ITGB8: variants seen among roughly 807,000 people sequenced by gnomAD.
ITGB8 encodes integrin subunit beta 8, also known as integrin beta-8.
A neutral mutation model predicts 89.5 loss-of-function variants in ITGB8; 30 were observed. The observed-to-expected ratio is 0.34, with a 90% confidence interval of 0.25 to 0.45. ITGB8 has a LOEUF of 0.45. Ranked by LOEUF, ITGB8 falls within the 20% of genes least tolerant of loss-of-function variation. ITGB8 has a pLI of 1.00. For synonymous variants in ITGB8, 335 were observed against 320.4 expected, an observed-to-expected ratio of 1.05 and a Z score of -0.49; for missense variants, 836 against 933.3, an observed-to-expected ratio of 0.90 and a Z score of 1.36.
At chr7:20,405,760 A>G (rs1292394911) in intron 11 of ITGB8, among the ~76,000 whole-genome samples, 2 of 152,222 alleles carry the variant, frequency 1.3e-5, no homozygotes, top group African/African-American at 2.4e-5. Flanking sequence ...ACAATTTGAG[A>G]TCTGCACAAA....
Position 20,394,988 on chromosome 7 carries a change from A to G in ITGB8, c.1146+3A>G. On this transcript the variant is annotated splice_donor_region_variant and intron_variant, in intron 8 of 13. Coordinates refer to ENST00000222573, the MANE Select transcript of ITGB8 (RefSeq NM_002214.3). ...ATTTGGTAGTGGAAGCCTATCAGGT[A>G]TGTATATATTAGATACAATTTTTTA... is the stretch of plus-strand genomic sequence containing the variant. 1.3e-6 allele frequency: 2 copies of G among 1,560,774 alleles called. No individual in the cohort carries two copies. The highest frequency in any genetic ancestry group is 1.8e-6 in the Non-Finnish European group (2 of 1,131,690).
chr7:20,386,956 T>C (rs986693282), intron 6 of ITGB8, among the ~76,000 whole-genome samples: 3 of 152,136 alleles, frequency 2.0e-5, no homozygotes, highest in African/African-American at 4.8e-5. Context: ...TGATTACAAC[T>C]GATGTCATAT....
Position 20,394,951 on chromosome 7 carries a change from C to T in ITGB8, c.1112C>T (p.Ala371Val), listed in dbSNP as rs200150010. ...GCTGGTGAAATAGAATCAAAGGCTG[C>T]AAACCTCAATAATTTGGTAGTGGAA... ...TIAGEIESKA[A>V]NLNNLVVEAY... is the part of the protein sequence containing the mutation. The change falls in exon 8 of 14, where the codon GCA (alanine) becomes GTA (valine). Residue 371 changes from alanine (A) to valine (V), a missense_variant. Coordinates refer to ENST00000222573, the MANE Select transcript of ITGB8 (RefSeq NM_002214.3). 48 of 1,613,134 alleles carry T rather than the reference C, an allele frequency of 3.0e-5. No individual in the cohort carries two copies. Among genetic ancestry groups the T allele is most frequent in the Non-Finnish European group, 4.0e-5 (47 of 1,179,286 alleles).
At chr7:20,403,780 AAGGAAGG>A (rs1787414413) in intron 10 of ITGB8, among the ~76,000 whole-genome samples, 1 of 27,704 alleles carries the variant, frequency 3.6e-5, no homozygotes, top group Non-Finnish European at 6.1e-5. Context: ...AGGAAGGAGG[AAGGAAGG>A]GAGAGGGAGA....
chr7:20,373,337 G>C (rs906505703), intron 3 of ITGB8, among the ~76,000 whole-genome samples: 47 of 152,072 alleles, frequency 3.1e-4, no homozygotes, highest in Non-Finnish European at 1.5e-4. Context: ...ATTGATCCTA[G>C]TTGATGTTCT....
intron 6 of ITGB8, among the ~76,000 whole-genome samples, chr7:20,390,623 G>A (rs1306743255): frequency 6.6e-6 from 1 of 152,040 alleles, no homozygotes; most frequent in African/African-American, 2.4e-5. Context: ...ATAATGATAA[G>A]TTGAGAAATC....
intron 1 of ITGB8, among the ~76,000 whole-genome samples, chr7:20,363,179 CTG>C (rs1785568057): frequency 6.6e-6 from 1 of 152,086 alleles, no homozygotes; most frequent in African/African-American, 2.4e-5. Context: ...AATTCATTCA[CTG>C]TGATTTAATG....
intron 1 of ITGB8, among the ~76,000 whole-genome samples, chr7:20,341,013 A>G (rs1245162936): frequency 2.6e-5 from 4 of 152,218 alleles, no homozygotes; most frequent in African/African-American, 2.4e-5. Context: ...ATTGACTGCA[A>G]TAGAACAAAG....
At chr7:20,366,306 G>A (rs1785694093) in intron 2 of ITGB8, 1 of 152,062 alleles carries the variant, frequency 6.6e-6, no homozygotes, top group African/African-American at 2.4e-5. Flanking sequence ...ATATATGATA[G>A]GAAAAGTTTC....
At chr7:20,366,702 T>G (rs1447770739) in intron 2 of ITGB8, 1 of 225,504 alleles carries the variant, frequency 4.4e-6, no homozygotes, top group African/African-American at 2.4e-5. Context: ...GAGATGGAGG[T>G]GGCAGTGAGC....
chr7:20,400,119 G>C (rs1230535836), intron 9 of ITGB8, among the ~76,000 whole-genome samples: 1 of 152,086 alleles, frequency 6.6e-6, no homozygotes, highest in African/African-American at 2.4e-5. Flanking sequence ...ATAGCACTAA[G>C]TTACTTTATG....
intron 9 of ITGB8, among the ~76,000 whole-genome samples, chr7:20,399,732 G>T (rs926846911): frequency 6.6e-6 from 1 of 152,118 alleles, no homozygotes; most frequent in Non-Finnish European, 1.5e-5. Flanking sequence ...GATTTTGATT[G>T]AGTCATTTAC....
At chr7:20,361,778 C>G (rs1416104729) in intron 1 of ITGB8, among the ~76,000 whole-genome samples, 2 of 152,114 alleles carry the variant, frequency 1.3e-5, no homozygotes, top group Non-Finnish European at 2.9e-5. Flanking sequence ...AGTTTGGCAG[C>G]CTACAACAGA....
At chr7:20,367,338 T>A (rs182080611) in intron 3 of ITGB8, 152 bp downstream of exon 3, 13,988 of 659,186 alleles carry the variant, frequency 0.021, 228 homozygotes, top group South Asian at 0.031. Flanking sequence ...TTCTAGTCTT[T>A]ATAGTGCCTG....
chr7:20,367,842 A>G (rs987815061), intron 3 of ITGB8, among the ~76,000 whole-genome samples: 5 of 152,144 alleles, frequency 3.3e-5, no homozygotes, highest in Admixed American at 6.5e-5. Flanking sequence ...CCTATGTTGT[A>G]GGCCACTGGA....
intron 1 of ITGB8, among the ~76,000 whole-genome samples, chr7:20,357,347 G>A (rs1223028338): frequency 6.6e-6 from 1 of 151,986 alleles, no homozygotes; most frequent in Non-Finnish European, 1.5e-5. Flanking sequence ...TATATTAGCT[G>A]TATTTTTAAA....
At chr7:20,396,451 A>G (rs1298587434) in intron 8 of ITGB8, among the ~76,000 whole-genome samples, 1 of 152,068 alleles carries the variant, frequency 6.6e-6, no homozygotes, top group Non-Finnish European at 1.5e-5. Context: ...AAAAAAATTA[A>G]GAACTTGTTT....
rs376565201 is a variant in ITGB8, at chr7:20,331,778, G to A, written c.-29G>A. On this transcript the variant is annotated 5_prime_UTR_variant, in exon 1 of 14. Coordinates refer to ENST00000222573, the MANE Select transcript of ITGB8 (RefSeq NM_002214.3). ...GCCCGCGTCCGGAAGGCAGTCAGGC[G>A]GCGGGCGCGGGGCGGGCTGTTTTGC... 120 of 1,601,856 alleles carry A rather than the reference G, an allele frequency of 7.5e-5. 1 individual carries two copies. The African/African-American group carries it at 1.3e-3, about 18-fold the overall frequency.
intron 1 of ITGB8, chr7:20,346,804 C>T: frequency 1.0e-6 from 1 of 985,374 alleles, no homozygotes. Flanking sequence ...GAGGCATGTA[C>T]ATTGACCATG....
Sources: gnomAD v4.1 joint callset for allele counts (sites outside exome capture counted in the v4.1 genomes callset) on GRCh38, gnomAD v4.1.1 for gene constraint, MANE v1.5 for transcripts, NCBI Gene and HGNC (gene_info 2026-07-23, HGNC 2026-07-21) for gene names.